ZNF888: variants seen among roughly 807,000 people sequenced by gnomAD.
ZNF888 encodes the protein zinc finger protein 888.
ZNF888 carries 5 observed loss-of-function variants against 7.2 expected under a neutral mutation model. The observed-to-expected ratio is 0.70, with a 90% CI of 0.36 to 1.46. The LOEUF is 1.46. Among genes scored for constraint, ZNF888 ranks in the 40% most tolerant of loss-of-function variants. The pLI, the probability that ZNF888 is intolerant of heterozygous loss-of-function variation, is 0.03. For synonymous variants in ZNF888, 240 were observed against 284.3 expected, an observed-to-expected ratio of 0.84 and a Z score of 1.57; for missense variants, 716 against 858.0, an observed-to-expected ratio of 0.83 and a Z score of 2.07.
chr19:52,910,520 G>GA (rs1371016978), intron 4 of ZNF888, among the ~76,000 whole-genome samples: 1 of 152,144 alleles, frequency 6.6e-6, no homozygotes, highest in Non-Finnish European at 1.5e-5. Flanking sequence ...GGTAGATGTG[G>GA]TATTCTCTAA....
rs1256259860 is a variant in ZNF888 at position 52,906,605 on chromosome 19, T to C, written c.1717A>G (p.Thr573Ala). 10 of 1,613,704 alleles carry C rather than the reference T, an allele frequency of 6.2e-6. No individual in the cohort carries two copies. The highest frequency in any genetic ancestry group is 8.5e-6 in the Non-Finnish European group (10 of 1,179,756). Residue 573 changes from threonine to alanine, a missense_variant, in exon 5 of 5, where the codon ACT becomes GCT. By Grantham distance (58) the Thr-to-Ala change is moderately conservative. Coordinates refer to ENST00000638862, the MANE Select transcript of ZNF888 (RefSeq NM_001393938.1). ...TTACACTTGTAAGGTTTCTCTCCAG[T>C]ATGAAGTCTATGATGATATGCAAGG... ...SSLAYHHRLHTGEKPYKCNEC... is the reference protein window; with the variant it reads ...SSLAYHHRLHAGEKPYKCNEC...
chr19:52,913,320 C>CTTTTTTTTTTTTTTTTTTTTTTTTTTT (rs34481338), intron 4 of ZNF888, among the ~76,000 whole-genome samples: 1 of 92,082 alleles, frequency 1.1e-5, no homozygotes, highest in African/African-American at 4.2e-5. Context: ...GTTATGGATT[C>CTTTTTTTTTTTTTTTTTTTTTTTTTTT]TTTTTTTTTT....
chr19:52,909,145 A>C (rs1311054268), intron 4 of ZNF888, among the ~76,000 whole-genome samples: 1 of 113,496 alleles, frequency 8.8e-6, no homozygotes, highest in African/African-American at 5.4e-5. Flanking sequence ...ACTCCATCTC[A>C]AAAAAAAAAG....
rs980513461 is a variant in ZNF888, at chr19:52,907,171, C to T, written c.1151G>A (p.Cys384Tyr). 1.2e-5 allele frequency: 19 copies of T among 1,612,676 alleles called. No homozygotes were observed. The highest frequency in any genetic ancestry group is 2.2e-5 in the East Asian group (1 of 44,844). Residue 384 changes from cysteine to tyrosine, a missense_variant, in exon 5 of 5, where the codon TGT becomes TAT. By Grantham distance (194) the Cys-to-Tyr change is radical. Coordinates refer to ENST00000638862, the MANE Select transcript of ZNF888 (RefSeq NM_001393938.1). ...TCTGAAAGCCTTGTCACAAACCTTACATTTGTATGGTTTCTCACCAGTGTG... is the reference window on the plus strand; with the variant it reads ...TCTGAAAGCCTTGTCACAAACCTTATATTTGTATGGTTTCTCACCAGTGTG... ...RIHTGEKPYKCKVCDKAFRHD... is the reference protein window; with the variant it reads ...RIHTGEKPYKYKVCDKAFRHD...
Position 52,906,428 on chromosome 19 carries a change from T to A in ZNF888, c.1894A>T (p.Lys632Ter). ...EIHRRVHTGE[K>*]PYKCRVCDKA... The stretch of plus-strand genomic sequence containing the variant: ...TCGCAAACCCTACATTTGTATGGTT[T>A]CTCTCCAGTATGAACTCTCCTATGT... The change falls in exon 5 of 5, where the codon AAA becomes TAA. Residue 632 changes from lysine (K) to a stop codon, truncating the protein, a stop_gained. Transcript: ENST00000638862. LOFTEE classifies it low-confidence loss of function (END_TRUNC). 1 of 1,613,318 alleles carries A rather than the reference T, an allele frequency of 6.2e-7. No homozygotes were observed.
At chr19:52,909,144 C>CAA (rs10636278) in intron 4 of ZNF888, among the ~76,000 whole-genome samples, 19,434 of 142,916 alleles carry the variant, frequency 0.14, 2,259 homozygotes, top group African/African-American at 0.33. Context: ...GACTCCATCT[C>CAA]AAAAAAAAAA....
rs1319006072 is a variant in ZNF888, at chr19:52,920,643, A to C, written c.-177-1706T>G. On this transcript the variant is annotated intron_variant, in intron 1 of 4. Coordinates refer to ENST00000638862, the MANE Select transcript of ZNF888 (RefSeq NM_001393938.1). Reference sequence around the variant, plus strand: ...CACAATCTTTTCTCTTAACCTGAACATTTCCTTTCTATGGATCCCAGGTTT... The same window carrying C: ...CACAATCTTTTCTCTTAACCTGAACCTTTCCTTTCTATGGATCCCAGGTTT... Among the ~76,000 whole-genome samples, 4 of 65,010 alleles carry C rather than the reference A, an allele frequency of 6.2e-5. 2 individuals are homozygous for C. The highest frequency in any genetic ancestry group is 1.9e-4 in the African/African-American group (4 of 20,734). The allele number at this position is 65,010 out of a possible 152,430, so 42.6% of individuals were successfully genotyped here.
In ZNF888 at chr19:52,920,625, T is replaced by C. The variant is rs1247571066; in HGVS notation, c.-177-1688A>G. Among the ~76,000 whole-genome samples the C allele has an allele frequency of 6.3e-5, 4 of 63,742 alleles. 1 individual carries two copies. The highest frequency in any genetic ancestry group is 1.5e-4 in the African/African-American group (3 of 20,196). 41.8% of individuals were successfully genotyped at this position (63,742 alleles called of 152,430 possible). ...CAAAGAAACTTTAGCCTCCACAATC[T>C]TTTCTCTTAACCTGAACATTTCCTT... On this transcript the variant is annotated intron_variant, in intron 1 of 4. Transcript: ENST00000638862.
At chr19:52,916,724 TG>T (rs1296493177) in intron 3 of ZNF888, among the ~76,000 whole-genome samples, 3 of 151,406 alleles carry the variant, frequency 2.0e-5, no homozygotes, top group Non-Finnish European at 4.4e-5. Flanking sequence ...CATTGACAAC[TG>T]GGGGCTGGGG....
At chr19:52,913,487 G>T (rs999146492) in intron 4 of ZNF888, among the ~76,000 whole-genome samples, 1 of 151,928 alleles carries the variant, frequency 6.6e-6, no homozygotes, top group African/African-American at 2.4e-5. Flanking sequence ...ACAGTGCCTG[G>T]CTAAGTTTTG....
intron 3 of ZNF888, among the ~76,000 whole-genome samples, chr19:52,915,937 A>G (rs1446346528): frequency 2.0e-5 from 3 of 152,294 alleles, no homozygotes; most frequent in African/African-American, 7.2e-5. Flanking sequence ...GACATTCAGT[A>G]TCTCGAAGAG....
chr19:52,922,643 CCTT>C (rs141531273), intron 1 of ZNF888, among the ~76,000 whole-genome samples: 1,556 of 152,266 alleles, frequency 0.01, 21 homozygotes, highest in African/African-American at 0.036. Context: ...GGGTCTTTCT[CCTT>C]CTTCTTTTAT....
At chr19:52,918,121 C>T in intron 2 of ZNF888, 190 bp from the exon 3 acceptor site, 1 of 1,391,654 alleles carries the variant, frequency 7.2e-7, no homozygotes, top group Non-Finnish European at 9.3e-7. Flanking sequence ...TGGAGAAGCC[C>T]ACACACACGC....
intron 4 of ZNF888, among the ~76,000 whole-genome samples, chr19:52,909,244 A>AT (rs2064648363): frequency 6.7e-6 from 1 of 149,982 alleles, no homozygotes; most frequent in South Asian, 2.1e-4. Flanking sequence ...TTTAAAAAAA[A>AT]TTTTTGTATT....
chr19:52,909,016 G>A (rs1467037552), intron 4 of ZNF888, among the ~76,000 whole-genome samples: 1 of 151,650 alleles, frequency 6.6e-6, no homozygotes, highest in African/African-American at 2.4e-5. Context: ...GTGGTCGCGG[G>A]AGCCTGTAAT....
chr19:52,908,045 T>C lies in ZNF888; in HGVS notation c.277A>G (p.Ile93Val), dbSNP rs1046180944. The C allele has an allele frequency of 1.2e-6, 2 of 1,614,084 alleles. No homozygotes were observed. Among genetic ancestry groups the C allele is most frequent in the African/African-American group, 1.3e-5 (1 of 74,946 alleles). ...ECCFQEIEKD[I>V]HDFVFQWQED... ...TGCCACTGAAACACAAAGTCATGAA[T>C]GTCTTTCTCAATTTCCTGGAAGCAA... The change falls in exon 5 of 5, where the codon ATT becomes GTT. Residue 93 changes from isoleucine (I) to valine (V), a missense_variant. By Grantham distance (29) the Ile-to-Val change is conservative. This residue lies in a region of ZNF888 where 697 missense variants were observed against 803.4 expected (regional missense o/e 0.87). Transcript: ENST00000638862.
chr19:52,915,089 T>C (rs2147932322), intron 4 of ZNF888, 107 bp downstream of exon 4: 1 of 1,487,518 alleles, frequency 6.7e-7, no homozygotes, highest in East Asian at 2.3e-5. Flanking sequence ...CATTTCAAAA[T>C]CAATACAGCT....
At chr19:52,913,173 A>G (rs1161654025) in intron 4 of ZNF888, among the ~76,000 whole-genome samples, 1 of 152,132 alleles carries the variant, frequency 6.6e-6, no homozygotes, top group East Asian at 1.9e-4. Context: ...CCTTTTCTTC[A>G]TAACTAAACT....
intron 4 of ZNF888, among the ~76,000 whole-genome samples, chr19:52,913,091 G>C (rs1055252016): frequency 1.3e-5 from 2 of 152,000 alleles, no homozygotes; most frequent in Non-Finnish European, 2.9e-5. Flanking sequence ...TAAGTGATGA[G>C]AGCAAAATTA....
Sources: gnomAD v4.1 joint callset for allele counts (sites outside exome capture counted in the v4.1 genomes callset) on GRCh38, gnomAD v4.1.1 for gene constraint, gnomAD v4.1.1 regional missense constraint, MANE v1.5 for transcripts, NCBI Gene and HGNC (gene_info 2026-07-23, HGNC 2026-07-21) for gene names.